ARID1A: variants seen among roughly 807,000 people sequenced by gnomAD.
ARID1A encodes AT-rich interaction domain 1A, also known as AT-rich interactive domain-containing protein 1A.
In ARID1A, 20 loss-of-function variants were observed where a neutral mutation model predicts 212.6. The ratio of observed to expected loss-of-function variants is 0.09; its 90% CI spans 0.07 to 0.14. The LOEUF (loss-of-function observed/expected upper bound fraction) is 0.14. Ranked by LOEUF, ARID1A falls within the 10% of genes least tolerant of loss-of-function variation. The pLI is 1.00. For missense variants in ARID1A, 2,587 were observed against 3,059.0 expected (o/e 0.85, Z 3.64); for synonymous variants, 1,376 against 1,222.1 (o/e 1.13, Z -2.63).
In ARID1A at chr1:26,773,370, C is replaced by T. The variant is rs1024139131; in HGVS notation, c.3740C>T (p.Ser1247Phe). 5 of 1,606,126 alleles carry T rather than the reference C, an allele frequency of 3.1e-6. No individual in the cohort carries two copies. In the African/African-American group the frequency reaches 6.7e-5, roughly 22 times the overall value. The change falls in exon 15 of 20, where the codon TCC (serine) becomes TTC (phenylalanine). Residue 1247 changes from serine to phenylalanine, a missense_variant. Physicochemically the swap from Ser to Phe is radical, Grantham distance 155 (BLOSUM62 -2). Transcript: ENST00000324856. The part of the protein sequence containing the change: ...RKAPGSDPFM[S>F]SGQGPNGGMG... ...GCTCCAGGGAGTGATCCCTTCATGT[C>T]CTCAGGGCAGGGCCCCAACGGCGGG...
chr1:26,771,524 CTCT>C lies in ARID1A; in HGVS notation c.3406+200_3406+202del. The C allele has an allele frequency of 1.7e-6, 1 of 598,876 alleles. No homozygotes were observed. The allele number at this position is 598,876 out of a possible 1,614,324, so 37.1% of individuals were successfully genotyped here. ...TCCCTTGGGAGGTACTCTACGGCAGCTCTTAAGTTTTAATTTTTGTTGTGCAGC... is the reference window on the plus strand; with the variant it reads ...TCCCTTGGGAGGTACTCTACGGCAGCTAAGTTTTAATTTTTGTTGTGCAGC... On this transcript the variant is annotated intron_variant, in intron 12 of 19. Coordinates refer to ENST00000324856, the MANE Select transcript of ARID1A (RefSeq NM_006015.6). This position sits in a 1 kb window ranked among gnomAD's most constrained non-coding sequence, Gnocchi z 5.4.
In ARID1A at chr1:26,696,642, A is replaced by G. The variant is rs1553145891; in HGVS notation, c.239A>G (p.Asn80Ser). Residue 80 changes from asparagine (N) to serine (S), a missense_variant, in exon 1 of 20, where the codon AAT becomes AGT. Asn to Ser is a conservative substitution (Grantham distance 46). Coordinates refer to ENST00000324856, the MANE Select transcript of ARID1A (RefSeq NM_006015.6). ...GKELQDGAESNGGGGGGGAGS... is the reference protein window; with the variant it reads ...GKELQDGAESSGGGGGGGAGS... Reference sequence around the variant, plus strand: ...GAGCTGCAGGACGGGGCCGAGAGCAATGGGGGTGGCGGCGGCGGCGGAGCC... The same window carrying G: ...GAGCTGCAGGACGGGGCCGAGAGCAGTGGGGGTGGCGGCGGCGGCGGAGCC... 6.2e-6 allele frequency: 8 copies of G among 1,297,950 alleles called. No individual in the cohort carries two copies. The South Asian group carries it at 1.7e-4, about 27-fold the overall frequency. The allele number at this position is 1,297,950 out of a possible 1,614,324, so 80.4% of individuals were successfully genotyped here.
intron 1 of ARID1A, among the ~76,000 whole-genome samples, chr1:26,701,618 A>G (rs1570545791): frequency 6.6e-6 from 1 of 152,292 alleles, no homozygotes; most frequent in African/African-American, 2.4e-5. Flanking sequence ...GTTGGTCTGC[A>G]TGGCCTTCTC....
chr1:26,704,875 A>AT (rs2080373453), intron 1 of ARID1A, among the ~76,000 whole-genome samples: 1 of 151,736 alleles, frequency 6.6e-6, no homozygotes, highest in African/African-American at 2.4e-5. Context: ...AAAAAAAAAA[A>AT]TTTGTTTTTT....
rs2124119098 is a variant in ARID1A at position 26,774,621 on chromosome 1, C to T, written c.4394C>T (p.Ser1465Phe). Residue 1465 changes from serine to phenylalanine, a missense_variant, in exon 18 of 20, where the codon TCT becomes TTT. Transcript: ENST00000324856. The surrounding 1 kb of genome is among the most constrained non-coding windows in gnomAD (Gnocchi z 5.6). Reference sequence around the variant, plus strand: ...TTCCAGTTTGGCCGAGACCGTGTCTCTGCACCCCCTGGCACCAATGCCCAG... The same window carrying T: ...TTCCAGTTTGGCCGAGACCGTGTCTTTGCACCCCCTGGCACCAATGCCCAG... Reference protein sequence around the residue: ...FPFQFGRDRVSAPPGTNAQQN... With the variant: ...FPFQFGRDRVFAPPGTNAQQN... The T allele has an allele frequency of 6.2e-7, 1 of 1,614,238 alleles. No homozygotes were observed. The highest frequency in any genetic ancestry group is 8.5e-7 in the Non-Finnish European group (1 of 1,180,036).
rs1570540453 is a variant in ARID1A at position 26,697,274 on chromosome 1, G to T, written c.871G>T (p.Ala291Ser). 2 of 1,366,884 alleles carry T rather than the reference G, an allele frequency of 1.5e-6. No individual in the cohort carries two copies. The highest frequency in any genetic ancestry group is 3.0e-5 in the East Asian group (1 of 33,068). The allele number at this position is 1,366,884 out of a possible 1,614,324, so 84.7% of individuals were successfully genotyped here. A position where few individuals can be genotyped will look rare whatever the true frequency, so the allele number is the denominator to read the frequency against. ...AAGGGTPQPT[A>S]TPTLNQLLTS... ...CGGCGGGGGAACTCCCCAGCCCACCGCCACCCCCACCCTCAACCAACTGCT... is the reference window on the plus strand; with the variant it reads ...CGGCGGGGGAACTCCCCAGCCCACCTCCACCCCCACCCTCAACCAACTGCT... Residue 291 changes from alanine (A) to serine (S), a missense_variant, in exon 1 of 20, where the codon GCC (alanine) becomes TCC (serine). By Grantham distance (99) the Ala-to-Ser change is moderately conservative. Transcript: ENST00000324856.
At chr1:26,701,728 G>A (rs777325680) in intron 1 of ARID1A, among the ~76,000 whole-genome samples, 1 of 152,052 alleles carries the variant, frequency 6.6e-6, no homozygotes, top group Non-Finnish European at 1.5e-5. Context: ...TTCTTCCCCT[G>A]GACTGAAGGA....
chr1:26,733,822 G>A (rs990314107), intron 4 of ARID1A, among the ~76,000 whole-genome samples: 1 of 152,192 alleles, frequency 6.6e-6, no homozygotes, highest in Non-Finnish European at 1.5e-5. Flanking sequence ...TGGATGTAAA[G>A]CCTGTGTCTT....
At chr1:26,775,430 A>AT in intron 18 of ARID1A, 147 bp from the exon 19 acceptor site, 2 of 1,384,844 alleles carry the variant, frequency 1.4e-6, no homozygotes, top group South Asian at 2.8e-5. Context: ...CTTAGAAGCC[A>AT]TGAGGGGCTG....
intron 1 of ARID1A, among the ~76,000 whole-genome samples, chr1:26,704,276 A>G (rs1470368629): frequency 6.6e-6 from 1 of 152,066 alleles, no homozygotes; most frequent in Non-Finnish European, 1.5e-5. Context: ...TTTTCTAGTA[A>G]ATTTGGATTT....
intron 4 of ARID1A, among the ~76,000 whole-genome samples, chr1:26,756,860 G>T (rs528789220): frequency 6.6e-6 from 1 of 151,668 alleles, no homozygotes; most frequent in South Asian, 2.1e-4. Context: ...CCGTCACCAC[G>T]TCTGGCTAAT....
chr1:26,738,819 A>G (rs527576058), intron 4 of ARID1A, among the ~76,000 whole-genome samples: 97 of 151,666 alleles, frequency 6.4e-4, no homozygotes, highest in African/African-American at 2.3e-3. Context: ...TCAGCCTCCC[A>G]AAGTGCTGGG....
In ARID1A at chr1:26,774,064, T is replaced by C. The variant is rs1458207318; in HGVS notation, c.4101+166T>C. ...CTGAAGAGCCACGTCCTCAATCTCT[T>C]CTCTATTTGGAGTTGGAAGGGGCTA... On this transcript the variant is annotated intron_variant, in intron 17 of 19. Coordinates refer to ENST00000324856, the MANE Select transcript of ARID1A (RefSeq NM_006015.6). The surrounding 1 kb of genome is among the most constrained non-coding windows in gnomAD (Gnocchi z 5.6). 2 of 1,086,370 alleles carry C rather than the reference T, an allele frequency of 1.8e-6. No individual in the cohort carries two copies. The highest frequency in any genetic ancestry group is 2.6e-6 in the Non-Finnish European group (2 of 766,438). 67.3% of individuals were successfully genotyped at this position (1,086,370 alleles called of 1,614,324 possible). A position where few individuals can be genotyped will look rare whatever the true frequency, so the allele number is the denominator to read the frequency against.
At position 26,773,803 on chromosome 1, in the gene ARID1A, CATG is replaced by C. The variant is rs777257128; in HGVS notation, c.4009_4011del (p.Asp1337del). On this transcript the variant is annotated inframe_deletion and splice_region_variant, in exon 17 of 20. Transcript: ENST00000324856. ...CCTGTGTTTCTTTGCCTCCTATAGA[CATG>C]ATTCCTATGGCAATCAGTTCTCCAC... 1 of 1,614,248 alleles carries C rather than the reference CATG, an allele frequency of 6.2e-7. No individual in the cohort carries two copies. Among genetic ancestry groups the C allele is most frequent in the Non-Finnish European group, 8.5e-7 (1 of 1,180,034 alleles).
At chr1:26,775,940 G>A (rs2124128298) in intron 19 of ARID1A, 1 of 669,170 alleles carries the variant, frequency 1.5e-6, no homozygotes, top group East Asian at 3.0e-5. Flanking sequence ...GAATTTGGGA[G>A]ACACTTTGTG....
chr1:26,730,806 G>A (rs532985594), intron 2 of ARID1A, among the ~76,000 whole-genome samples: 41 of 152,306 alleles, frequency 2.7e-4, no homozygotes, highest in African/African-American at 8.4e-4. Flanking sequence ...TGTGGTTAGG[G>A]TACAGATTCC....
chr1:26,710,987 G>T (rs1018863723), intron 1 of ARID1A, among the ~76,000 whole-genome samples: 1 of 152,150 alleles, frequency 6.6e-6, no homozygotes, highest in Non-Finnish European at 1.5e-5. Context: ...AGAAGTCCAA[G>T]ATCAAAATGC....
chr1:26,779,325 T>C lies in ARID1A; in HGVS notation c.5427T>C (p.Phe1809=). 6.2e-7 allele frequency: 1 copy of C among 1,614,220 alleles called. No individual in the cohort carries two copies. The highest frequency in any genetic ancestry group is 1.1e-5 in the South Asian group (1 of 91,086). The change falls in exon 20 of 20, where the codon TTT becomes TTC. Residue 1809 remains phenylalanine (F), a synonymous_variant. Transcript: ENST00000324856. ...ENSEEKLISK[F]DKLPVKIVQK... ...GTGAGGAGAAGCTGATCAGTAAGTTTGACAAGCTTCCAGTAAAGATCGTAC... is the reference window on the plus strand; with the variant it reads ...GTGAGGAGAAGCTGATCAGTAAGTTCGACAAGCTTCCAGTAAAGATCGTAC...
intron 1 of ARID1A, among the ~76,000 whole-genome samples, chr1:26,713,107 A>G (rs1469931447): frequency 5.3e-5 from 8 of 152,244 alleles, no homozygotes. Context: ...ATTTGTATGT[A>G]CAGATGAATA....
Sources: allele counts gnomAD v4.1 joint callset (sites outside exome capture counted in the v4.1 genomes callset), GRCh38; gene constraint gnomAD v4.1.1; non-coding constraint Gnocchi (gnomAD v3.1); transcripts MANE v1.5; gene names NCBI Gene and HGNC (gene_info 2026-07-23, HGNC 2026-07-21).